Variants in NCAM2 observed in about 807,000 individuals in gnomAD.
The protein encoded by NCAM2 is N-CAM-2.
A neutral mutation model predicts 98.1 loss-of-function variants in NCAM2; 30 were observed. The observed-to-expected ratio is 0.31, with a 90% CI of 0.23 to 0.41. NCAM2 has a LOEUF of 0.41. Ranked by LOEUF, NCAM2 falls within the 10% of genes least tolerant of loss-of-function variation. The pLI is 1.00. For missense variants in NCAM2, 867 were observed against 1,005.8 expected (o/e 0.86, Z 1.87); for synonymous variants, 368 against 342.4 (o/e 1.07, Z -0.83).
At chr21:21,376,073 G>T (rs1333046937) in intron 9 of NCAM2, among the ~76,000 whole-genome samples, 1 of 151,702 alleles carries the variant, frequency 6.6e-6, no homozygotes, top group Non-Finnish European at 1.5e-5. Flanking sequence ...TTAATTAATA[G>T]TGTGTTATGT....
chr21:21,421,979 G>A (rs972577984), intron 11 of NCAM2, among the ~76,000 whole-genome samples: 1 of 151,756 alleles, frequency 6.6e-6, no homozygotes, highest in African/African-American at 2.4e-5. Context: ...TAATAACTTA[G>A]CCCTACATCG....
intron 1 of NCAM2, among the ~76,000 whole-genome samples, chr21:21,057,010 G>A (rs370099352): frequency 1.1e-4 from 16 of 151,760 alleles, no homozygotes; most frequent in African/African-American, 2.9e-4. Flanking sequence ...AATCCTACTC[G>A]TCTTTAACAT....
At chr21:21,209,997 T>C (rs2147075498) in intron 1 of NCAM2, among the ~76,000 whole-genome samples, 1 of 152,320 alleles carries the variant, frequency 6.6e-6, no homozygotes, top group Admixed American at 6.5e-5. Context: ...TTGGAAGGGC[T>C]GGCCGACTTT....
At chr21:21,414,172 C>G (rs892607963) in intron 10 of NCAM2, among the ~76,000 whole-genome samples, 1 of 152,182 alleles carries the variant, frequency 6.6e-6, no homozygotes, top group Non-Finnish European at 1.5e-5. Context: ...GCAATTCATT[C>G]ACTTCTTCAG....
intron 1 of NCAM2, among the ~76,000 whole-genome samples, chr21:21,058,832 C>A (rs1289424715): frequency 6.6e-6 from 1 of 152,028 alleles, no homozygotes; most frequent in Non-Finnish European, 1.5e-5. Flanking sequence ...TTCCATTCTT[C>A]ATTGTATTTC....
At chr21:21,506,374 T>G (rs1392225653) in intron 15 of NCAM2, among the ~76,000 whole-genome samples, 2 of 152,152 alleles carry the variant, frequency 1.3e-5, no homozygotes, top group Non-Finnish European at 1.5e-5. Context: ...TTCACTGTAT[T>G]GTAATGATAG....
chr21:21,252,835 G>A (rs2071523863), intron 1 of NCAM2, among the ~76,000 whole-genome samples: 1 of 151,954 alleles, frequency 6.6e-6, no homozygotes. Flanking sequence ...TGTTCTTGCA[G>A]GGACATTGCT....
At chr21:21,039,068 T>G (rs529706583) in intron 1 of NCAM2, among the ~76,000 whole-genome samples, 2 of 152,304 alleles carry the variant, frequency 1.3e-5, no homozygotes, top group African/African-American at 4.8e-5. Context: ...TTTCTCTCAC[T>G]TGTTATGTAG....
At chr21:21,282,112 A>G (rs1265366723) in intron 2 of NCAM2, among the ~76,000 whole-genome samples, 1 of 151,880 alleles carries the variant, frequency 6.6e-6, no homozygotes, top group Non-Finnish European at 1.5e-5. Flanking sequence ...GTCAGCAGAA[A>G]TTTGACACAA....
chr21:21,177,307 T>A (rs990990092), intron 1 of NCAM2, among the ~76,000 whole-genome samples: 1 of 152,096 alleles, frequency 6.6e-6, no homozygotes, highest in Non-Finnish European at 1.5e-5. Flanking sequence ...TTTCTAAATA[T>A]GTATTTGCTT....
chr21:21,075,647 T>A (rs2065665957), intron 1 of NCAM2, among the ~76,000 whole-genome samples: 1 of 152,206 alleles, frequency 6.6e-6, no homozygotes, highest in African/African-American at 2.4e-5. Flanking sequence ...ATTCCTGGTT[T>A]GCAAAGAATT....
intron 5 of NCAM2, among the ~76,000 whole-genome samples, chr21:21,319,103 G>A (rs1845310519): frequency 6.6e-6 from 1 of 151,760 alleles, no homozygotes; most frequent in Admixed American, 6.6e-5. Flanking sequence ...GGTGACAGAG[G>A]GAGACCCTGT....
At chr21:21,504,915 A>G (rs180938045) in intron 15 of NCAM2, among the ~76,000 whole-genome samples, 1 of 151,858 alleles carries the variant, frequency 6.6e-6, no homozygotes, top group Admixed American at 6.6e-5. Flanking sequence ...CACCTCAAGC[A>G]TTTATCTTTC....
At chr21:21,227,258 G>C (rs1396287074) in intron 1 of NCAM2, among the ~76,000 whole-genome samples, 25 of 151,708 alleles carry the variant, frequency 1.6e-4, no homozygotes, top group Admixed American at 1.6e-3. Flanking sequence ...AGGATCTACA[G>C]GCAAACTATT....
intron 7 of NCAM2, 47 bp from the exon 8 acceptor site, chr21:21,338,342 A>G: frequency 6.5e-7 from 1 of 1,547,832 alleles, no homozygotes; most frequent in Non-Finnish European, 8.9e-7. Context: ...TCTGAGAAGT[A>G]ATATTTTCCT....
intron 11 of NCAM2, among the ~76,000 whole-genome samples, chr21:21,425,328 C>A (rs1462171124): frequency 6.6e-6 from 1 of 151,958 alleles, no homozygotes; most frequent in Non-Finnish European, 1.5e-5. Flanking sequence ...TAAATTTAAA[C>A]TCAAACACTC....
At chr21:21,275,619 T>G (rs2147462491) in intron 1 of NCAM2, among the ~76,000 whole-genome samples, 1 of 152,224 alleles carries the variant, frequency 6.6e-6, no homozygotes, top group Non-Finnish European at 1.5e-5. Flanking sequence ...CAATAACCCT[T>G]GTGTCAACAG....
intron 1 of NCAM2, among the ~76,000 whole-genome samples, chr21:21,104,798 C>T (rs1336547462): frequency 1.3e-5 from 2 of 152,060 alleles, no homozygotes; most frequent in Non-Finnish European, 2.9e-5. Context: ...TACAATATGG[C>T]AGAATTGATG....
In NCAM2 at chr21:21,324,430, G is replaced by A; in HGVS notation, c.667G>A (p.Glu223Lys). 1 of 1,613,766 alleles carries A rather than the reference G, an allele frequency of 6.2e-7. No individual in the cohort carries two copies. The highest frequency in any genetic ancestry group is 1.3e-5 in the African/African-American group (1 of 75,032). Residue 223 changes from glutamate to lysine, a missense_variant, in exon 6 of 18, where the codon GAG (glutamate) becomes AAG (lysine). Glu to Lys is a moderately conservative substitution (Grantham distance 56, BLOSUM62 1). Transcript: ENST00000400546. ...TCAGAAATCTTTTAATGCCACAGCA[G>A]AGAGAGGAGAAGAAATGACATTTTC... ...MPQKSFNATAERGEEMTFSCR... is the reference protein window; with the variant it reads ...MPQKSFNATAKRGEEMTFSCR...
Sources: allele counts gnomAD v4.1 joint callset (sites outside exome capture counted in the v4.1 genomes callset), GRCh38; gene constraint gnomAD v4.1.1; transcripts MANE v1.5; gene names NCBI Gene and HGNC (gene_info 2026-07-23, HGNC 2026-07-21).